MORC2: variants seen among roughly 807,000 people sequenced by gnomAD.
MORC2 encodes the protein ATPase MORC2.
In MORC2, 30 loss-of-function variants were observed where a neutral mutation model predicts 136.0. The observed-to-expected ratio is 0.22, with a 90% CI of 0.17 to 0.30. MORC2 has a LOEUF of 0.30. MORC2 is among the 10% of genes least tolerant of loss of function. MORC2 has a pLI of 1.00. For synonymous variants in MORC2, 439 were observed against 487.0 expected (o/e 0.90, Z 1.30); for missense variants, 922 against 1,333.1 (o/e 0.69, Z 4.80).
intron 6 of MORC2, among the ~76,000 whole-genome samples, chr22:30,946,125 T>C (rs1267412676): frequency 1.3e-5 from 2 of 152,252 alleles, no homozygotes; most frequent in African/African-American, 2.4e-5. Context: ...AGTTGTTCTC[T>C]GAAGTGCTCT....
At position 30,937,048 on chromosome 22, in the gene MORC2, CA is replaced by C. The variant is rs749728597; in HGVS notation, c.1499-12del. The C allele has an allele frequency of 1.9e-5, 30 of 1,595,474 alleles. No individual in the cohort carries two copies. Among genetic ancestry groups the C allele is most frequent in the African/African-American group, 2.7e-5 (2 of 74,392 alleles). ...ATTTCAGACACAAATCTGCAGAGAG[CA>C]AAAAAACCCCACATATCAGCCACGC... is the stretch of plus-strand genomic sequence containing the variant. On this transcript the variant is annotated splice_polypyrimidine_tract_variant and intron_variant, in intron 15 of 25. Transcript: ENST00000397641. This position sits in a 1 kb window ranked among gnomAD's most constrained non-coding sequence, Gnocchi z 4.7.
At chr22:30,928,927 T>C (rs1431377890) in intron 24 of MORC2, among the ~76,000 whole-genome samples, 1 of 152,240 alleles carries the variant, frequency 6.6e-6, no homozygotes, top group African/African-American at 2.4e-5. Context: ...CGTAAATCAC[T>C]GAGAATCATG....
At chr22:30,946,529 A>G (rs1057498007) in intron 5 of MORC2, 80 bp from the exon 6 acceptor site, 3 of 1,292,404 alleles carry the variant, frequency 2.3e-6, no homozygotes, top group Non-Finnish European at 3.2e-6. Context: ...CACTCTGGAC[A>G]TGATTGAAAG....
rs1483595310 is a variant in MORC2, at chr22:30,967,810, G to A, written c.68+12C>T. ...TTACTGGTTACCTCAGTGGCACCTAGAGGATACTTACGAATTTGTGTGCAG... is the reference window on the plus strand; with the variant it reads ...TTACTGGTTACCTCAGTGGCACCTAAAGGATACTTACGAATTTGTGTGCAG... On this transcript the variant is annotated intron_variant, in intron 1 of 25. Transcript: ENST00000397641. The A allele has an allele frequency of 1.3e-6, 2 of 1,551,002 alleles. No individual in the cohort carries two copies. Among genetic ancestry groups the A allele is most frequent in the African/African-American group, 1.4e-5 (1 of 73,176 alleles).
In MORC2 at chr22:30,946,533, T is replaced by C. The variant is rs145011873; in HGVS notation, c.318-84A>G. On this transcript the variant is annotated intron_variant, in intron 5 of 25. Coordinates refer to ENST00000397641, the MANE Select transcript of MORC2 (RefSeq NM_001303256.3). ...AGAAATCAATCCACTCTGGACATGA[T>C]TGAAAGTGCCACTGGAGGGCTCTCC... The C allele has an allele frequency of 1.2e-3, 1,547 of 1,238,934 alleles. 13 individuals carry two copies. The African/African-American group carries it at 0.02, about 16-fold the overall frequency. The allele number at this position is 1,238,934 out of a possible 1,614,324, so 76.7% of individuals were successfully genotyped here.
At position 30,941,765 on chromosome 22, in the gene MORC2, G is replaced by GC. The variant is rs1024707461; in HGVS notation, c.698+125dup. The GC allele has an allele frequency of 2.1e-5, 23 of 1,117,354 alleles. No individual in the cohort carries two copies. The highest frequency in any genetic ancestry group is 3.0e-5 in the Non-Finnish European group (23 of 767,580). The allele number at this position is 1,117,354 out of a possible 1,614,324, so 69.2% of individuals were successfully genotyped here. A position where few individuals can be genotyped will look rare whatever the true frequency, so the allele number is the denominator to read the frequency against. ...AGGCACCCCACAGGCAACTGAGCTG[G>GC]CCCTACATACTACCCTACCACAGAA... is the stretch of plus-strand genomic sequence containing the variant. On this transcript the variant is annotated intron_variant, in intron 8 of 25. Coordinates refer to ENST00000397641, the MANE Select transcript of MORC2 (RefSeq NM_001303256.3). This position sits in a 1 kb window ranked among gnomAD's most constrained non-coding sequence, Gnocchi z 4.6.
intron 1 of MORC2, among the ~76,000 whole-genome samples, chr22:30,966,410 A>G (rs2041128857): frequency 6.6e-6 from 1 of 152,326 alleles, no homozygotes; most frequent in South Asian, 2.1e-4. Flanking sequence ...CTAGCTGAAT[A>G]ATCACTAATC....
chr22:30,942,162 C>A lies in MORC2; in HGVS notation c.536G>T (p.Arg179Leu). The A allele has an allele frequency of 6.2e-7, 1 of 1,614,126 alleles. No homozygotes were observed. The highest frequency in any genetic ancestry group is 8.5e-7 in the Non-Finnish European group (1 of 1,179,972). The change falls in exon 7 of 26, where the codon CGC becomes CTC. Residue 179 changes from arginine to leucine, a missense_variant. Arg to Leu is a moderately radical substitution (Grantham distance 102, BLOSUM62 -2). Around this residue, in one of 9 missense-constraint regions of MORC2, gnomAD observed 261 missense variants for 354.3 expected, o/e 0.74. Transcript: ENST00000397641. Reference protein sequence around the residue: ...TELIYKYSPFRTEEEVMTQFM... With the variant: ...TELIYKYSPFLTEEEVMTQFM... ...CTGGGTCATCACTTCCTCCTCAGTG[C>A]GGAATGGAGAGTACTTATAGATGAG...
intron 6 of MORC2, among the ~76,000 whole-genome samples, chr22:30,944,956 T>C (rs1437504247): frequency 6.6e-6 from 1 of 152,228 alleles, no homozygotes; most frequent in Non-Finnish European, 1.5e-5. Flanking sequence ...AATCTGATAC[T>C]GGCACATCCT....
intron 3 of MORC2, among the ~76,000 whole-genome samples, chr22:30,955,955 C>T (rs1239392517): frequency 7.4e-6 from 1 of 136,010 alleles, no homozygotes; most frequent in Non-Finnish European, 1.5e-5. Flanking sequence ...TGCAGTGAGG[C>T]AAGATCGTGC....
Position 30,937,510 on chromosome 22 carries a change from T to G in MORC2, c.1498+73A>C. On this transcript the variant is annotated intron_variant, in intron 15 of 25. Coordinates refer to ENST00000397641, the MANE Select transcript of MORC2 (RefSeq NM_001303256.3). The surrounding 1 kb of genome is among the most constrained non-coding windows in gnomAD (Gnocchi z 4.7). ...ATGAATGTCAGTCAAGTTAGGAGGC[T>G]GGCAGGAAGATAGAGAAAAGAGGCT... 1 of 1,569,698 alleles carries G rather than the reference T, an allele frequency of 6.4e-7. No homozygotes were observed. The highest frequency in any genetic ancestry group is 1.2e-5 in the South Asian group (1 of 83,558).
intron 1 of MORC2, among the ~76,000 whole-genome samples, chr22:30,960,827 AG>A (rs2041033964): frequency 7.3e-6 from 1 of 137,700 alleles, no homozygotes; most frequent in South Asian, 2.3e-4. Flanking sequence ...AAAAAAAAAA[AG>A]TCCATAAAAC....
In MORC2 at chr22:30,942,260, T is replaced by C. The variant is rs2040753133; in HGVS notation, c.438A>G (p.Pro146=). The C allele has an allele frequency of 1.9e-6, 3 of 1,611,156 alleles. No homozygotes were observed. The highest frequency in any genetic ancestry group is 1.7e-5 in the Admixed American group (1 of 60,000). The part of the protein sequence containing the change: ...EEEGIDEVIV[P]LPTWNARTRE... ...GGGTCCGAGCATTCCAGGTGGGCAGTGGGACTATCACCTGTGGAGTAAACA... is the reference window on the plus strand; with the variant it reads ...GGGTCCGAGCATTCCAGGTGGGCAGCGGGACTATCACCTGTGGAGTAAACA... Residue 146 remains proline (P), a synonymous_variant, in exon 7 of 26, where the codon CCA becomes CCG. Coordinates refer to ENST00000397641, the MANE Select transcript of MORC2 (RefSeq NM_001303256.3).
In MORC2 at chr22:30,967,267, G is replaced by A. The variant is rs988907737; in HGVS notation, c.68+555C>T. ...ATTTTGGGGAAAGACTATCTAAATAGAGATATAAACAAGTTGCCGTTTCCT... is the reference window on the plus strand; with the variant it reads ...ATTTTGGGGAAAGACTATCTAAATAAAGATATAAACAAGTTGCCGTTTCCT... On this transcript the variant is annotated intron_variant, in intron 1 of 25. Transcript: ENST00000397641. The A allele has an allele frequency of 7.1e-6, 7 of 986,310 alleles. No homozygotes were observed. The African/African-American group carries it at 8.7e-5, about 12-fold the overall frequency. 61.1% of individuals were successfully genotyped at this position (986,310 alleles called of 1,614,324 possible).
intron 1 of MORC2, among the ~76,000 whole-genome samples, chr22:30,964,932 C>G (rs1199115499): frequency 6.6e-6 from 1 of 152,168 alleles, no homozygotes; most frequent in Admixed American, 6.5e-5. Flanking sequence ...TCACCATTCA[C>G]ACAATGTTTA....
intron 5 of MORC2, 127 bp downstream of exon 5, chr22:30,949,625 G>T: frequency 1.2e-6 from 1 of 802,500 alleles, no homozygotes; most frequent in Non-Finnish European, 2.0e-6. Flanking sequence ...ACCACTTTCT[G>T]ACTTCTTCCA....
intron 17 of MORC2, among the ~76,000 whole-genome samples, chr22:30,936,208 T>A (rs1330321796): frequency 6.6e-6 from 1 of 152,238 alleles, no homozygotes; most frequent in African/African-American, 2.4e-5. Flanking sequence ...GTATGGTTAA[T>A]GATGGTTACC....
chr22:30,934,700 C>T lies in MORC2; in HGVS notation c.2193+81G>A, dbSNP rs2147247573. On this transcript the variant is annotated intron_variant, in intron 19 of 25. Transcript: ENST00000397641. The surrounding 1 kb of genome is among the most constrained non-coding windows in gnomAD (Gnocchi z 4.4). ...ATTCAGTATCTTCCGAAGGCTCCCC[C>T]AGTACAGCTGTGACACTGCACAATT... 4 of 1,536,956 alleles carry T rather than the reference C, an allele frequency of 2.6e-6. No homozygotes were observed. The highest frequency in any genetic ancestry group is 3.5e-6 in the Non-Finnish European group (4 of 1,131,126).
At chr22:30,958,584 CAGCTACCTAAAGTGTTTCCACTTCA>C in intron 2 of MORC2, 32 bp downstream of exon 2, 1 of 1,403,274 alleles carries the variant, frequency 7.1e-7, no homozygotes, top group East Asian at 2.5e-5. Context: ...GCAAAGGTCA[CAGCTACCTAAAGTGTTTCCACTTCA>C]AGCACAGATT....
Sources: gnomAD v4.1 joint callset for allele counts (sites outside exome capture counted in the v4.1 genomes callset) on GRCh38, gnomAD v4.1.1 for gene constraint, gnomAD v4.1.1 regional missense constraint, Gnocchi (gnomAD v3.1) non-coding constraint, MANE v1.5 for transcripts, NCBI Gene and HGNC (gene_info 2026-07-23, HGNC 2026-07-21) for gene names.